The following LHFPL6 variants were observed in gnomAD, a reference collection of about 807,000 sequenced individuals.
LHFPL6 encodes the protein LHFPL tetraspan subfamily member 6.
A neutral mutation model predicts 20.6 loss-of-function variants in LHFPL6; 9 were observed. That is an observed-to-expected ratio of 0.44 (90% CI 0.26 to 0.76). LHFPL6 has a LOEUF of 0.76. LHFPL6 is among the 30% of genes least tolerant of loss of function. LHFPL6 has a pLI of 0.20. For synonymous variants in LHFPL6, 105 were observed against 98.7 expected, an observed-to-expected ratio of 1.06 and a Z score of -0.38; for missense variants, 218 against 253.5, an observed-to-expected ratio of 0.86 and a Z score of 0.95.
intron 2 of LHFPL6, among the ~76,000 whole-genome samples, chr13:39,562,433 T>TATATATACATATATACAC (rs1566142017): frequency 1.2e-5 from 1 of 86,276 alleles, no homozygotes; most frequent in African/African-American, 3.3e-5. Flanking sequence ...CATATATACA[T>TATATATACATATATACAC]ATATACATAT....
At chr13:39,495,301 T>C (rs1442001564) in intron 2 of LHFPL6, among the ~76,000 whole-genome samples, 2 of 152,242 alleles carry the variant, frequency 1.3e-5, no homozygotes, top group Non-Finnish European at 2.9e-5. Context: ...TTTATTAGGC[T>C]ATATTTGCCA....
At chr13:39,483,551 G>A (rs1187548751) in intron 2 of LHFPL6, among the ~76,000 whole-genome samples, 2 of 150,166 alleles carry the variant, frequency 1.3e-5, no homozygotes, top group African/African-American at 2.5e-5. Context: ...CTCAGGCAAA[G>A]GGCATTCTAA....
At chr13:39,353,052 T>A (rs1277975723) in intron 3 of LHFPL6, among the ~76,000 whole-genome samples, 11 of 147,300 alleles carry the variant, frequency 7.5e-5, no homozygotes, top group Non-Finnish European at 1.0e-4. Flanking sequence ...GCAATGGCGC[T>A]CACTGCAACC....
chr13:39,505,104 A>C (rs974619753), intron 2 of LHFPL6, among the ~76,000 whole-genome samples: 1 of 152,166 alleles, frequency 6.6e-6, no homozygotes, highest in African/African-American at 2.4e-5. Flanking sequence ...TTTTTCTCTT[A>C]AACATTCTTC....
At chr13:39,440,709 T>A (rs1872097127) in intron 2 of LHFPL6, among the ~76,000 whole-genome samples, 1 of 152,050 alleles carries the variant, frequency 6.6e-6, no homozygotes, top group Non-Finnish European at 1.5e-5. Flanking sequence ...CAAGCAATTC[T>A]CCTGCTTCAG....
chr13:39,397,443 C>T (rs1317991890), intron 2 of LHFPL6, among the ~76,000 whole-genome samples: 2 of 152,212 alleles, frequency 1.3e-5, no homozygotes, highest in Non-Finnish European at 2.9e-5. Flanking sequence ...GCATGCCTGA[C>T]ATGTGAGATG....
chr13:39,600,708 C>A, intron 2 of LHFPL6, 124 bp downstream of exon 2: 1 of 1,048,544 alleles, frequency 9.5e-7, no homozygotes, highest in South Asian at 3.3e-5. Context: ...CAAAGCCATT[C>A]CAAATCTATT....
intron 3 of LHFPL6, among the ~76,000 whole-genome samples, chr13:39,376,954 T>A (rs77302104): frequency 6.6e-6 from 1 of 152,144 alleles, no homozygotes; most frequent in African/African-American, 2.4e-5. Context: ...CCCCTGCTGC[T>A]CTTCTCTCCT....
chr13:39,347,975 G>GA (rs1869453376), intron 3 of LHFPL6, among the ~76,000 whole-genome samples: 1 of 152,114 alleles, frequency 6.6e-6, no homozygotes, highest in Non-Finnish European at 1.5e-5. Flanking sequence ...TGGCACTTAA[G>GA]AAAAAATTGC....
chr13:39,600,803 AAAC>A (rs767567937), intron 2 of LHFPL6, 26 bp downstream of exon 2: 2 of 1,459,418 alleles, frequency 1.4e-6, no homozygotes, highest in African/African-American at 2.8e-5. Context: ...GGATTCCAGT[AAAC>A]AACTCAAGCT....
chr13:39,555,139 TACTTC>T (rs996973999), intron 2 of LHFPL6, among the ~76,000 whole-genome samples: 3 of 152,212 alleles, frequency 2.0e-5, no homozygotes, highest in Admixed American at 2.0e-4. Context: ...CAGCATCAGC[TACTTC>T]ACTCCTACTC....
intron 3 of LHFPL6, among the ~76,000 whole-genome samples, chr13:39,366,448 A>G (rs995795962): frequency 2.0e-5 from 3 of 152,214 alleles, no homozygotes; most frequent in African/African-American, 7.2e-5. Flanking sequence ...ACTAGCACCC[A>G]TGAGTATCCA....
chr13:39,374,459 C>T (rs1870237943), intron 3 of LHFPL6, among the ~76,000 whole-genome samples: 1 of 151,976 alleles, frequency 6.6e-6, no homozygotes, highest in African/African-American at 2.4e-5. Flanking sequence ...TTAGATCAAT[C>T]ATACCCCAAA....
chr13:39,524,751 T>C (rs1468058051), intron 2 of LHFPL6, among the ~76,000 whole-genome samples: 2 of 152,164 alleles, frequency 1.3e-5, no homozygotes, highest in African/African-American at 4.8e-5. Flanking sequence ...CTCCTGCTAT[T>C]ACAGAATTTA....
intron 2 of LHFPL6, among the ~76,000 whole-genome samples, chr13:39,516,811 C>A (rs1288167545): frequency 6.6e-6 from 1 of 152,304 alleles, no homozygotes; most frequent in Admixed American, 6.5e-5. Context: ...AATTTACAGT[C>A]CCAAAGACAA....
intron 3 of LHFPL6, among the ~76,000 whole-genome samples, chr13:39,360,130 C>T (rs1353215832): frequency 4.1e-5 from 4 of 97,392 alleles, no homozygotes; most frequent in African/African-American, 1.2e-4. Flanking sequence ...ATGCCAATCT[C>T]CTGCCCCAGC....
chr13:39,536,205 C>T lies in LHFPL6; in HGVS notation c.385+64627G>A, dbSNP rs114290888. Among the ~76,000 whole-genome samples the T allele has an allele frequency of 7.2e-3, 1,089 of 152,262 alleles. 11 individuals carry two copies. Among genetic ancestry groups the T allele is most frequent in the African/African-American group, 0.025 (1,033 of 41,546 alleles). On this transcript the variant is annotated intron_variant, in intron 2 of 3. Coordinates refer to ENST00000379589, the MANE Select transcript of LHFPL6 (RefSeq NM_005780.3). ...TAAAGAAATGTACATTGCAAGGCAC[C>T]ACTCTTTGACATTCAAACACTCTTA...
rs139874550 is a variant in LHFPL6, at chr13:39,375,126, C to T, written c.484+3302G>A. Among the ~76,000 whole-genome samples, 14 of 152,274 alleles carry T rather than the reference C, an allele frequency of 9.2e-5. No individual in the cohort carries two copies. In the East Asian group the frequency reaches 1.9e-3, roughly 21 times the overall value. On this transcript the variant is annotated intron_variant, in intron 3 of 3. Coordinates refer to ENST00000379589, the MANE Select transcript of LHFPL6 (RefSeq NM_005780.3). Reference sequence around the variant, plus strand: ...AACCCTTGGGAGGAAGATGTGTCTACGTGCTGTCTCCCTTGAGAAGAGGCA... The same window carrying T: ...AACCCTTGGGAGGAAGATGTGTCTATGTGCTGTCTCCCTTGAGAAGAGGCA...
chr13:39,513,869 C>T (rs543619107), intron 2 of LHFPL6, among the ~76,000 whole-genome samples: 13 of 152,200 alleles, frequency 8.5e-5, no homozygotes, highest in East Asian at 1.9e-4. Flanking sequence ...TGATCCCTAC[C>T]GTACTGGATA....
Sources: gnomAD v4.1 joint callset for allele counts (sites outside exome capture counted in the v4.1 genomes callset) on GRCh38, gnomAD v4.1.1 for gene constraint, MANE v1.5 for transcripts, NCBI Gene and HGNC (gene_info 2026-07-23, HGNC 2026-07-21) for gene names.